Variants in EXOC2 observed in about 807,000 individuals in gnomAD.
EXOC2 encodes exocyst complex component 2.
EXOC2 carries 70 observed loss-of-function variants against 131.8 expected under a neutral mutation model. The observed-to-expected ratio is 0.53, with a 90% confidence interval of 0.44 to 0.65. The LOEUF is 0.65. EXOC2 is among the 30% of genes least tolerant of loss of function. The pLI, the probability that EXOC2 is intolerant of heterozygous loss-of-function variation, is 0.00. For missense variants in EXOC2, 923 were observed against 1,108.6 expected (o/e 0.83, Z 2.38); for synonymous variants, 411 against 398.4 (o/e 1.03, Z -0.38).
intron 4 of EXOC2, among the ~76,000 whole-genome samples, chr6:626,168 T>C (rs748957975): frequency 1.3e-5 from 2 of 152,084 alleles, no homozygotes; most frequent in African/African-American, 4.8e-5. Flanking sequence ...CAATTCAAAG[T>C]GAAGTTATTT....
intron 22 of EXOC2, among the ~76,000 whole-genome samples, chr6:543,062 T>A (rs1234231292): frequency 6.6e-6 from 1 of 152,142 alleles, no homozygotes; most frequent in East Asian, 1.9e-4. Flanking sequence ...CTAGGAAGGT[T>A]CCTACAACAC....
intron 23 of EXOC2, among the ~76,000 whole-genome samples, chr6:518,324 A>G (rs879608909): frequency 6.6e-6 from 1 of 152,230 alleles, no homozygotes; most frequent in Non-Finnish European, 1.5e-5. Context: ...TAAGTCGGCC[A>G]ACAGGTCAAC....
At chr6:605,722 G>C (rs140429663) in intron 7 of EXOC2, among the ~76,000 whole-genome samples, 149 of 152,268 alleles carry the variant, frequency 9.8e-4, no homozygotes, top group African/African-American at 3.3e-3. Context: ...TCTGATCTTA[G>C]TTATTTCTTG....
At chr6:514,898 G>A (rs1337020679) in intron 23 of EXOC2, among the ~76,000 whole-genome samples, 1 of 152,218 alleles carries the variant, frequency 6.6e-6, no homozygotes, top group Non-Finnish European at 1.5e-5. Context: ...TGAGGGCAGG[G>A]AGTTCTCCAT....
At chr6:682,815 G>A (rs1161853497) in intron 1 of EXOC2, among the ~76,000 whole-genome samples, 1 of 152,192 alleles carries the variant, frequency 6.6e-6, no homozygotes, top group Non-Finnish European at 1.5e-5. Context: ...GGTGATGGTT[G>A]TACAACTTTG....
At chr6:671,209 T>G (rs541971670) in intron 1 of EXOC2, among the ~76,000 whole-genome samples, 2 of 149,404 alleles carry the variant, frequency 1.3e-5, no homozygotes, top group Admixed American at 6.6e-5. Context: ...GTACAAAAAC[T>G]AGCCAGGCTT....
chr6:627,868 A>G (rs1001121019), intron 4 of EXOC2, among the ~76,000 whole-genome samples: 11 of 152,246 alleles, frequency 7.2e-5, no homozygotes, highest in African/African-American at 2.7e-4. Flanking sequence ...CTTAAGTAAC[A>G]ATCTGTACAG....
chr6:558,684 G>A (rs1397805357), intron 17 of EXOC2, among the ~76,000 whole-genome samples: 11 of 152,082 alleles, frequency 7.2e-5, no homozygotes, highest in African/African-American at 1.9e-4. Context: ...GTGGTGGTGC[G>A]TGCCTGTAGT....
intron 23 of EXOC2, among the ~76,000 whole-genome samples, chr6:501,099 G>T (rs1764024868): frequency 1.5e-5 from 1 of 68,692 alleles, no homozygotes; most frequent in Non-Finnish European, 2.7e-5. Flanking sequence ...CTCCTCAAAA[G>T]ATATATATAT....
intron 23 of EXOC2, among the ~76,000 whole-genome samples, chr6:516,540 A>C (rs1439084660): frequency 6.6e-6 from 1 of 152,230 alleles, no homozygotes; most frequent in Non-Finnish European, 1.5e-5. Flanking sequence ...GATCAAAAGA[A>C]AGGCAGGTTT....
intron 27 of EXOC2, 42 bp downstream of exon 27, chr6:488,937 A>C: frequency 6.3e-7 from 1 of 1,581,830 alleles, no homozygotes; most frequent in Non-Finnish European, 8.6e-7. Context: ...AACCTTGTTG[A>C]GCACATTCAA....
intron 11 of EXOC2, among the ~76,000 whole-genome samples, chr6:581,275 G>C (rs185023555): frequency 7.9e-4 from 114 of 145,182 alleles, no homozygotes; most frequent in Non-Finnish European, 1.4e-3. Flanking sequence ...CAGTCTGGGA[G>C]ACAGAGCGAG....
chr6:611,323 T>A (rs1760702999), intron 6 of EXOC2, among the ~76,000 whole-genome samples: 2 of 152,204 alleles, frequency 1.3e-5, no homozygotes, highest in Non-Finnish European at 2.9e-5. Flanking sequence ...TGGCACCCAC[T>A]GCAGCTGCAC....
intron 23 of EXOC2, among the ~76,000 whole-genome samples, chr6:503,293 T>C (rs1764336701): frequency 6.6e-6 from 1 of 152,156 alleles, no homozygotes; most frequent in Non-Finnish European, 1.5e-5. Flanking sequence ...ACTAGGCACA[T>C]GGCAGAGGTG....
chr6:496,114 T>C (rs1763720546), intron 25 of EXOC2, among the ~76,000 whole-genome samples: 3 of 152,222 alleles, frequency 2.0e-5, no homozygotes, highest in African/African-American at 7.2e-5. Flanking sequence ...AGGAGCGCAG[T>C]TTCCTTTACA....
chr6:610,066 T>C (rs1561921854), intron 7 of EXOC2, 32 bp downstream of exon 7: 1 of 1,589,094 alleles, frequency 6.3e-7, no homozygotes, highest in Non-Finnish European at 8.6e-7. Flanking sequence ...GTAAAATCCA[T>C]AAATAGTTCT....
chr6:624,786 T>C (rs1470791580), intron 4 of EXOC2, among the ~76,000 whole-genome samples: 1 of 152,094 alleles, frequency 6.6e-6, no homozygotes, highest in African/African-American at 2.4e-5. Flanking sequence ...AAGGAAGAGG[T>C]AGTATATCAA....
Position 501,759 on chromosome 6 carries a change from CAG to C in EXOC2, c.2381-2061_2381-2060del, listed in dbSNP as rs568157034. Among the ~76,000 whole-genome samples, 28 of 144,332 alleles carry C rather than the reference CAG, an allele frequency of 1.9e-4. 1 individual carries two copies. The East Asian group carries it at 5.0e-3, about 26-fold the overall frequency. The allele number at this position is 144,332 out of a possible 152,430, so 94.7% of individuals were successfully genotyped here. Reference sequence around the variant, plus strand: ...ATATATTGGCTCCTCAAAACAAAAACAGTGTGCTTATTAAGTCTATTTTGCTG... The same window carrying C: ...ATATATTGGCTCCTCAAAACAAAAACTGTGCTTATTAAGTCTATTTTGCTG... On this transcript the variant is annotated intron_variant, in intron 23 of 27. Coordinates refer to ENST00000230449, the MANE Select transcript of EXOC2 (RefSeq NM_018303.6).
intron 22 of EXOC2, among the ~76,000 whole-genome samples, chr6:537,200 T>TCGAGATGACGACCGACGGAGCGCACACA (rs1561829981): frequency 5.4e-5 from 8 of 148,052 alleles, no homozygotes; most frequent in African/African-American, 2.0e-4. Context: ...GAGCGTACAC[T>TCGAGATGACGACCGACGGAGCGCACACA]CGAGATGACG....
Sources: gnomAD v4.1 joint callset for allele counts (sites outside exome capture counted in the v4.1 genomes callset) on GRCh38, gnomAD v4.1.1 for gene constraint, MANE v1.5 for transcripts, NCBI Gene and HGNC (gene_info 2026-07-23, HGNC 2026-07-21) for gene names.